Variants in WDR76 observed in about 807,000 individuals in gnomAD.
WDR76 encodes the protein WD repeat domain 76, also known as WD repeat-containing protein 76.
A neutral mutation model predicts 70.2 loss-of-function variants in WDR76; 52 were observed. The observed-to-expected ratio is 0.74, with a 90% CI of 0.59 to 0.93. The LOEUF (loss-of-function observed/expected upper bound fraction) is 0.93, where lower values mean the gene tolerates loss of function less well. Ranked by LOEUF, WDR76 falls within the 40% of genes least tolerant of loss-of-function variation. The pLI is 0.00. For synonymous variants in WDR76, 292 were observed against 271.1 expected (o/e 1.08, Z -0.76); for missense variants, 756 against 760.2 (o/e 0.99, Z 0.07).
chr15:43,850,051 TAAAA>T (rs538829231), intron 8 of WDR76, among the ~76,000 whole-genome samples: 157 of 152,114 alleles, frequency 1.0e-3, no homozygotes, highest in African/African-American at 3.4e-3. Context: ...AAATTTAAAA[TAAAA>T]AAGAAAACAA....
At chr15:43,832,403 A>G (rs2087600428) in intron 2 of WDR76, among the ~76,000 whole-genome samples, 2 of 150,674 alleles carry the variant, frequency 1.3e-5, no homozygotes, top group South Asian at 2.1e-4. Flanking sequence ...AAAAATTGTG[A>G]TAACATGCCG....
At chr15:43,862,406 C>T (rs1172544619) in intron 12 of WDR76, among the ~76,000 whole-genome samples, 2 of 149,116 alleles carry the variant, frequency 1.3e-5, no homozygotes, top group African/African-American at 4.9e-5. Flanking sequence ...CAGCCTCCGC[C>T]TCCTGGGTGC....
intron 8 of WDR76, among the ~76,000 whole-genome samples, chr15:43,848,903 A>C (rs1596077060): frequency 6.7e-6 from 1 of 149,670 alleles, no homozygotes. Context: ...GCACCACTGC[A>C]CTCCAGCCTG....
chr15:43,831,747 C>T (rs7179388), intron 2 of WDR76, among the ~76,000 whole-genome samples: 5 of 151,834 alleles, frequency 3.3e-5, no homozygotes, highest in South Asian at 2.1e-4. Context: ...CCATGTCTTT[C>T]TTTCTTGGTT....
Position 43,836,337 on chromosome 15 carries a change from C to T in WDR76, c.608+121C>T. 3 of 702,122 alleles carry T rather than the reference C, an allele frequency of 4.3e-6. No homozygotes were observed. The South Asian group carries it at 1.1e-4, about 25-fold the overall frequency. The allele number at this position is 702,122 out of a possible 1,614,324, so 43.5% of individuals were successfully genotyped here. A position where few individuals can be genotyped will look rare whatever the true frequency, so the allele number is the denominator to read the frequency against. On this transcript the variant is annotated intron_variant, in intron 4 of 12. Transcript: ENST00000263795. ...CATAAAGTGCTATTTAATCTCAGTC[C>T]CTCTAGGATCTCTGAGGGAATGCTA... is the stretch of plus-strand genomic sequence containing the variant.
At chr15:43,829,745 A>T (rs965380166) in intron 2 of WDR76, among the ~76,000 whole-genome samples, 11 of 151,810 alleles carry the variant, frequency 7.2e-5, no homozygotes, top group African/African-American at 2.7e-4. Context: ...TGACCTCATG[A>T]TCCGCCCGCC....
chr15:43,828,670 T>G (rs7183809), intron 2 of WDR76, among the ~76,000 whole-genome samples: 28,380 of 152,152 alleles, frequency 0.19, 3,994 homozygotes, highest in African/African-American at 0.39. Context: ...ATGGTGCCTT[T>G]CTCACCTTTA....
At chr15:43,831,333 C>T (rs1378168997) in intron 2 of WDR76, among the ~76,000 whole-genome samples, 2 of 151,948 alleles carry the variant, frequency 1.3e-5, no homozygotes, top group Non-Finnish European at 2.9e-5. Context: ...TGTGGGTGTG[C>T]CATATTTATT....
At chr15:43,830,769 G>A (rs984914377) in intron 2 of WDR76, among the ~76,000 whole-genome samples, 2 of 151,914 alleles carry the variant, frequency 1.3e-5, no homozygotes, top group East Asian at 1.9e-4. Flanking sequence ...AAATTAGGCC[G>A]GCCATGGTGG....
In WDR76 at chr15:43,866,353, C is replaced by T. The variant is rs763487899; in HGVS notation, c.1842C>T (p.Ser614=). The T allele has an allele frequency of 1.4e-5, 22 of 1,613,860 alleles. No individual in the cohort carries two copies. The highest frequency in any genetic ancestry group is 1.6e-4 in the Middle Eastern group (1 of 6,082). ...ATATTTTGGCTGGAGGTAATTCCAG[C>T]GGGAAGATACATGTTTTTATGAATG... ...TRYILAGGNS[S]GKIHVFMNEK... is the part of the protein sequence containing the mutation. The change falls in exon 13 of 13, where the codon AGC becomes AGT. Residue 614 remains serine, a synonymous_variant. Coordinates refer to ENST00000263795, the MANE Select transcript of WDR76 (RefSeq NM_024908.4).
At position 43,839,663 on chromosome 15, in the gene WDR76, G is replaced by A. The variant is rs200712077; in HGVS notation, c.667G>A (p.Val223Ile). The A allele has an allele frequency of 8.7e-6, 14 of 1,612,836 alleles. No homozygotes were observed. In the Admixed American group the frequency reaches 2.3e-4, roughly 27 times the overall value. The change falls in exon 5 of 13, where the codon GTT becomes ATT. Residue 223 changes from valine to isoleucine, a missense_variant. By Grantham distance (29) the Val-to-Ile change is conservative. Coordinates refer to ENST00000263795, the MANE Select transcript of WDR76 (RefSeq NM_024908.4). ...TAGAAGGTCAATGCGATTACTAAAA[G>A]TTGATCCTTCGGGAGTTTCATTACC... ...GCRRSMRLLK[V>I]DPSGVSLPAA...
intron 9 of WDR76, among the ~76,000 whole-genome samples, chr15:43,853,683 A>G (rs1595449964): frequency 6.6e-6 from 1 of 151,958 alleles, no homozygotes; most frequent in African/African-American, 2.4e-5. Flanking sequence ...AGGCGGGTGG[A>G]TCACCTGAGG....
intron 11 of WDR76, among the ~76,000 whole-genome samples, chr15:43,861,078 C>T (rs146522262): frequency 9.9e-4 from 150 of 151,736 alleles, no homozygotes; most frequent in African/African-American, 3.6e-3. Flanking sequence ...GTGCCCCATG[C>T]CCAGCTAATT....
intron 11 of WDR76, among the ~76,000 whole-genome samples, chr15:43,859,053 G>C (rs372996566): frequency 6.6e-6 from 1 of 152,178 alleles, no homozygotes; most frequent in East Asian, 1.9e-4. Flanking sequence ...GGTACCCTGG[G>C]GGGTTTATGG....
At chr15:43,844,182 A>G (rs2087759208) in intron 8 of WDR76, 128 bp downstream of exon 8, 1 of 767,888 alleles carries the variant, frequency 1.3e-6, no homozygotes, top group South Asian at 3.9e-5. Flanking sequence ...ATGATGCTTT[A>G]TGATTCCAAA....
At chr15:43,828,612 T>C (rs1200135183) in intron 2 of WDR76, among the ~76,000 whole-genome samples, 1 of 152,238 alleles carries the variant, frequency 6.6e-6, no homozygotes, top group Non-Finnish European at 1.5e-5. Context: ...GCTTCCTTTT[T>C]TCTTTCTCTA....
At chr15:43,860,464 C>T (rs1345449128) in intron 11 of WDR76, among the ~76,000 whole-genome samples, 1 of 152,102 alleles carries the variant, frequency 6.6e-6, no homozygotes, top group African/African-American at 2.4e-5. Context: ...TTAGAATGGG[C>T]ATTTTATTTC....
intron 2 of WDR76, among the ~76,000 whole-genome samples, chr15:43,829,127 C>T (rs1596064004): frequency 6.6e-6 from 1 of 152,152 alleles, no homozygotes; most frequent in East Asian, 1.9e-4. Flanking sequence ...GTCTCTAACT[C>T]CTGACCTTGT....
chr15:43,860,422 T>C (rs991945729), intron 11 of WDR76, among the ~76,000 whole-genome samples: 5 of 152,242 alleles, frequency 3.3e-5, no homozygotes, highest in Admixed American at 3.3e-4. Context: ...TTTGTGAATT[T>C]TGTATATAGT....
Sources: allele counts gnomAD v4.1 joint callset (sites outside exome capture counted in the v4.1 genomes callset), GRCh38; gene constraint gnomAD v4.1.1; transcripts MANE v1.5; gene names NCBI Gene and HGNC (gene_info 2026-07-23, HGNC 2026-07-21).